Variants in SPAG8 observed in about 807,000 individuals in gnomAD.
SPAG8 encodes sperm-associated antigen 8.
In SPAG8, 36 loss-of-function variants were observed where a neutral mutation model predicts 45.3. That is an observed-to-expected ratio of 0.80 (90% CI 0.61 to 1.05). The LOEUF is 1.05. SPAG8 is among the 50% of genes least tolerant of loss of function. The pLI, the probability that SPAG8 is intolerant of heterozygous loss-of-function variation, is 0.00. For synonymous variants in SPAG8, 227 were observed against 232.6 expected (o/e 0.98, Z 0.22); for missense variants, 573 against 609.2 (o/e 0.94, Z 0.63).
chr9:35,807,914 T>C (rs958733757), downstream of SPAG8: 1 of 489,486 alleles, frequency 2.0e-6, no homozygotes, highest in Non-Finnish European at 3.6e-6. Context: ...GTTTTATCTG[T>C]AAGATGGGAA....
chr9:35,809,907 A>T lies in SPAG8; in HGVS notation c.*31T>A, dbSNP rs756495914. 1.1e-4 allele frequency: 170 copies of T among 1,544,230 alleles called. No individual in the cohort carries two copies. Among genetic ancestry groups the T allele is most frequent in the Non-Finnish European group, 1.4e-4 (165 of 1,150,418 alleles). On this transcript the variant is annotated 3_prime_UTR_variant, in exon 7 of 7. Transcript: ENST00000396638. The surrounding 1 kb of genome is among the most constrained non-coding windows in gnomAD (Gnocchi z 4.1). ...TCTAGTGCAGACAGAAATAGATTCC[A>T]TATTCCATACCCCACTTCCCTCCTC...
At chr9:35,808,502 C>T (rs1415467415), downstream of SPAG8, 1 of 1,613,904 alleles carries the variant, frequency 6.2e-7, no homozygotes. This position sits in a 1 kb window ranked among gnomAD's most constrained non-coding sequence, Gnocchi z 4.0. Flanking sequence ...ATCCCCCTCT[C>T]AATCAGGTGG....
Position 35,811,800 on chromosome 9 carries a change from C to T in SPAG8, c.246G>A (p.Glu82=). The change falls in exon 2 of 7, where the codon GAG becomes GAA. Residue 82 remains glutamate, a synonymous_variant. Transcript: ENST00000396638. ...LSTKTPAPCS[E]FMEPSSDPSL... is the part of the protein sequence containing the mutation. Reference sequence around the variant, plus strand: ...TGGGGTCAGAGGACGGCTCCATGAACTCAGAACAGGGCGCTGGGGTCTTTG... The same window carrying T: ...TGGGGTCAGAGGACGGCTCCATGAATTCAGAACAGGGCGCTGGGGTCTTTG... 6.2e-7 allele frequency: 1 copy of T among 1,614,094 alleles called. No homozygotes were observed. The highest frequency in any genetic ancestry group is 8.5e-7 in the Non-Finnish European group (1 of 1,179,938).
At chr9:35,812,060 C>T (rs1459065019) in intron 1 of SPAG8, 44 bp downstream of exon 1, 1 of 1,610,296 alleles carries the variant, frequency 6.2e-7, no homozygotes, top group Non-Finnish European at 8.5e-7. Context: ...GTCAGCTGAC[C>T]TTCCTCGTCC....
Position 35,811,595 on chromosome 9 carries a change from A to G in SPAG8, c.451T>C (p.Ser151Pro), listed in dbSNP as rs1466989426. 6.2e-7 allele frequency: 1 copy of G among 1,614,062 alleles called. No homozygotes were observed. The highest frequency in any genetic ancestry group is 8.5e-7 in the Non-Finnish European group (1 of 1,179,942). Residue 151 changes from serine to proline, a missense_variant, in exon 2 of 7, where the codon TCA (serine) becomes CCA (proline). Physicochemically the swap from Ser to Pro is moderately conservative, Grantham distance 74. Coordinates refer to ENST00000396638, the MANE Select transcript of SPAG8 (RefSeq NM_001039592.2). ...GAGCCAGAGCCATGGCCAGCACCTG[A>G]GCTGGAACCAAGAACAGGCCCAGAG... is the stretch of plus-strand genomic sequence containing the variant. ...SSSGPVLGSS[S>P]GAGHGSGSGS...
chr9:35,811,014 C>T lies in SPAG8; in HGVS notation c.908G>A (p.Gly303Asp). 6.2e-7 allele frequency: 1 copy of T among 1,614,018 alleles called. No individual in the cohort carries two copies. The highest frequency in any genetic ancestry group is 1.1e-5 in the South Asian group (1 of 91,080). ...HLDQVPSMQD[G>D]SESFFFRHGH... is the part of the protein sequence containing the mutation. ...GTGTCGGAAGAAAAAACTCTCAGAG[C>T]CATCCTGCATGCTTGGGACTTGATC... The change falls in exon 3 of 7, where the codon GGC becomes GAC. Residue 303 changes from glycine (G) to aspartate (D), a missense_variant. Transcript: ENST00000396638.
downstream of SPAG8, chr9:35,808,039 TG>T: frequency 1.4e-6 from 1 of 697,770 alleles, no homozygotes; most frequent in South Asian, 1.7e-5. The surrounding 1 kb of genome is among the most constrained non-coding windows in gnomAD (Gnocchi z 4.0). Flanking sequence ...AAAACTTCAC[TG>T]TGTATTTCCT....
chr9:35,811,417 C>T lies in SPAG8; in HGVS notation c.629G>A (p.Ser210Asn). 1 of 1,614,166 alleles carries T rather than the reference C, an allele frequency of 6.2e-7. No individual in the cohort carries two copies. Among genetic ancestry groups the T allele is most frequent in the Non-Finnish European group, 8.5e-7 (1 of 1,180,026 alleles). The change falls in exon 2 of 7, where the codon AGC becomes AAC. Residue 210 changes from serine (S) to asparagine (N), a missense_variant. By Grantham distance (46) the Ser-to-Asn change is conservative. Coordinates refer to ENST00000396638, the MANE Select transcript of SPAG8 (RefSeq NM_001039592.2). Reference sequence around the variant, plus strand: ...TCTGAACCCTGGAGGAATACAGGGGCTGAGCTCAGAGTCAGGGCCAGTGTC... The same window carrying T: ...TCTGAACCCTGGAGGAATACAGGGGTTGAGCTCAGAGTCAGGGCCAGTGTC... ...GPDTGPDSELSPCIPPGFRNL... is the reference protein window; with the variant it reads ...GPDTGPDSELNPCIPPGFRNL...
chr9:35,811,145 G>A (rs754115921), intron 2 of SPAG8, 37 bp downstream of exon 2: 16 of 1,557,098 alleles, frequency 1.0e-5, no homozygotes, highest in Non-Finnish European at 1.2e-5. Flanking sequence ...ACTGAGGGCA[G>A]CCTTCAAGAA....
chr9:35,809,610 T>C (rs748293242), downstream of SPAG8: 2 of 1,205,178 alleles, frequency 1.7e-6, no homozygotes, highest in South Asian at 2.4e-5. The surrounding 1 kb of genome is among the most constrained non-coding windows in gnomAD (Gnocchi z 4.1). Flanking sequence ...AGCTCAGCCC[T>C]GTACATATAC....
chr9:35,811,272 T>C lies in SPAG8; in HGVS notation c.774A>G (p.Leu258=). 6.2e-7 allele frequency: 1 copy of C among 1,613,592 alleles called. No homozygotes were observed. Among genetic ancestry groups the C allele is most frequent in the Non-Finnish European group, 8.5e-7 (1 of 1,179,642 alleles). The change falls in exon 2 of 7, where the codon CTA becomes CTG. Residue 258 remains leucine (L), a synonymous_variant. Coordinates refer to ENST00000396638, the MANE Select transcript of SPAG8 (RefSeq NM_001039592.2). ...TCCCTTTAATGTCTGGGGGTTTCCA[T>C]AGTCCTCGGGCACCCGGTTCTAAGA... The part of the protein sequence containing the change: ...LQVLEPGARG[L]WKPPDIKGKL...
chr9:35,808,730 T>C (rs758371407), downstream of SPAG8: 15 of 1,612,004 alleles, frequency 9.3e-6, no homozygotes, highest in Non-Finnish European at 1.3e-5. This position sits in a 1 kb window ranked among gnomAD's most constrained non-coding sequence, Gnocchi z 4.0. Context: ...TTTCCCAGAC[T>C]CTCCCAACCT....
At chr9:35,807,900 A>G, downstream of SPAG8, 1 of 465,190 alleles carries the variant, frequency 2.1e-6, no homozygotes, top group Non-Finnish European at 3.8e-6. Flanking sequence ...CCTGAGCCTC[A>G]GTTGTTTTAT....
Position 35,811,681 on chromosome 9 carries a change from G to A in SPAG8, c.365C>T (p.Ala122Val). The A allele has an allele frequency of 6.2e-6, 10 of 1,614,224 alleles. No individual in the cohort carries two copies. Among genetic ancestry groups the A allele is most frequent in the Non-Finnish European group, 8.5e-6 (10 of 1,180,050 alleles). ...GTCAGTTGTAGTGCAAGTGTCCTGA[G>A]CAATACAGGAAACATAGACGGGCTC... ...GFEPVYVSCI[A>V]QDTCTTTDHS... The change falls in exon 2 of 7, where the codon GCT (alanine) becomes GTT (valine). Residue 122 changes from alanine (A) to valine (V), a missense_variant. Physicochemically the swap from Ala to Val is moderately conservative, Grantham distance 64. Coordinates refer to ENST00000396638, the MANE Select transcript of SPAG8 (RefSeq NM_001039592.2).
rs779495715 is a variant in SPAG8, at chr9:35,812,135, C to T, written c.13G>A (p.Glu5Lys). The change falls in exon 1 of 7, where the codon GAG (glutamate) becomes AAG (lysine). Residue 5 changes from glutamate (E) to lysine (K), a missense_variant. Physicochemically the swap from Glu to Lys is moderately conservative, Grantham distance 56. Coordinates refer to ENST00000396638, the MANE Select transcript of SPAG8 (RefSeq NM_001039592.2). The part of the protein sequence containing the change: METN[E>K]STEGSRSRSR... ...CGCGACCGCGATCCCTCCGTAGACT[C>T]GTTGGTCTCCATCTTCAGACTCCAG... 9 of 1,607,062 alleles carry T rather than the reference C, an allele frequency of 5.6e-6. No individual in the cohort carries two copies. Among genetic ancestry groups the T allele is most frequent in the African/African-American group, 1.3e-5 (1 of 74,942 alleles).
downstream of SPAG8, chr9:35,809,128 A>T (rs1828602154): frequency 6.3e-7 from 1 of 1,585,170 alleles, no homozygotes; most frequent in Non-Finnish European, 8.7e-7. This position sits in a 1 kb window ranked among gnomAD's most constrained non-coding sequence, Gnocchi z 4.1. Flanking sequence ...TCCTCATTCC[A>T]CCATCCTCCC....
rs1375811981 is a variant in SPAG8, at chr9:35,810,687, G to A, written c.1040-5C>T. The A allele has an allele frequency of 1.2e-6, 2 of 1,614,138 alleles. No individual in the cohort carries two copies. The highest frequency in any genetic ancestry group is 1.7e-6 in the Non-Finnish European group (2 of 1,180,010). On this transcript the variant is annotated splice_region_variant and splice_polypyrimidine_tract_variant and intron_variant, in intron 3 of 6. Transcript: ENST00000396638. Reference sequence around the variant, plus strand: ...CCAGCATGGCTTCACGCTTCCCTGTGAGAGAGTTGGGGGGTGGGCAAGGTG... The same window carrying A: ...CCAGCATGGCTTCACGCTTCCCTGTAAGAGAGTTGGGGGGTGGGCAAGGTG...
In SPAG8 at chr9:35,812,253, T is replaced by C. The variant is rs1828855649; in HGVS notation, c.-106A>G. The C allele has an allele frequency of 4.6e-6, 6 of 1,298,394 alleles. No homozygotes were observed. The highest frequency in any genetic ancestry group is 3.9e-5 in the South Asian group (3 of 77,560). The allele number at this position is 1,298,394 out of a possible 1,614,324, so 80.4% of individuals were successfully genotyped here. On this transcript the variant is annotated 5_prime_UTR_variant, in exon 1 of 7. Coordinates refer to ENST00000396638, the MANE Select transcript of SPAG8 (RefSeq NM_001039592.2). ...TGCAGGTGGCGGTGGAGGCAAGTCC[T>C]CTGCGGGGCGGAAGTCTTCAGCCTA...
intron 4 of SPAG8, 34 bp downstream of exon 4, chr9:35,810,603 C>T (rs1282589645): frequency 4.3e-6 from 7 of 1,613,996 alleles, no homozygotes; most frequent in Non-Finnish European, 8.5e-7. Context: ...TTTTTCTCCT[C>T]CCCATCCCTC....
Sources: allele counts gnomAD v4.1 joint callset, GRCh38; gene constraint gnomAD v4.1.1; non-coding constraint Gnocchi (gnomAD v3.1); transcripts MANE v1.5; gene names NCBI Gene and HGNC (gene_info 2026-07-23, HGNC 2026-07-21).